Variants in NEK10 observed in about 807,000 individuals in gnomAD.
The protein encoded by NEK10 is NIMA related kinase 10.
A neutral mutation model predicts 159.8 loss-of-function variants in NEK10; 122 were observed. That is an observed-to-expected ratio of 0.76 (90% CI 0.66 to 0.89). NEK10 has a LOEUF of 0.89. NEK10 is among the 40% of genes least tolerant of loss of function. The pLI is 0.00. For missense variants in NEK10, 1,342 were observed against 1,323.1 expected, an observed-to-expected ratio of 1.01 and a Z score of -0.22; for synonymous variants, 466 against 457.1, an observed-to-expected ratio of 1.02 and a Z score of -0.25.
intron 5 of NEK10, among the ~76,000 whole-genome samples, chr3:27,333,546 CA>C (rs141145764): frequency 0.037 from 3,871 of 105,900 alleles, 51 homozygotes; most frequent in South Asian, 0.07. Context: ...AACTCCGTCT[CA>C]AAAAAAAAAA....
chr3:27,150,903 C>A (rs181677583), intron 30 of NEK10, among the ~76,000 whole-genome samples: 90 of 152,214 alleles, frequency 5.9e-4, no homozygotes, highest in Middle Eastern at 6.8e-3. Context: ...ACTCCAAGAA[C>A]AAACTAGGAA....
chr3:27,216,237 T>C (rs968055851), intron 23 of NEK10: 2 of 224,308 alleles, frequency 8.9e-6, no homozygotes. Context: ...TCCTTAATAG[T>C]CAAAGAAAAG....
intron 5 of NEK10, among the ~76,000 whole-genome samples, chr3:27,335,583 GA>G (rs1214920437): frequency 6.6e-6 from 1 of 152,100 alleles, no homozygotes; most frequent in African/African-American, 2.4e-5. Context: ...TCAGTACATA[GA>G]ACATTCTCCA....
At chr3:27,206,694 A>T (rs1950574231) in intron 23 of NEK10, 1 of 921,430 alleles carries the variant, frequency 1.1e-6, no homozygotes, top group Non-Finnish European at 1.3e-6. Flanking sequence ...AGGCTCTGTT[A>T]CAAACCACTG....
At chr3:27,221,831 G>C (rs1392486312) in intron 23 of NEK10, among the ~76,000 whole-genome samples, 1 of 152,252 alleles carries the variant, frequency 6.6e-6, no homozygotes, top group African/African-American at 2.4e-5. Flanking sequence ...TCCATTCAGA[G>C]GCTTCAGTTC....
In NEK10 at chr3:27,250,253, C is replaced by A. The variant is rs1224260928; in HGVS notation, c.2090+6043G>T. Among the ~76,000 whole-genome samples the A allele has an allele frequency of 2.0e-5, 3 of 151,576 alleles. No homozygotes were observed. The East Asian group carries it at 5.8e-4, about 30-fold the overall frequency. ...CCAGGCTGGAGTGCAGTAGCACGAT[C>A]TCCACTCACTGCAAGCACCGCCTCC... On this transcript the variant is annotated intron_variant, in intron 23 of 35. Transcript: ENST00000691995.
rs772096854 is a variant in NEK10 at position 27,337,029 on chromosome 3, GC to G, written c.362+7242del. 2.6e-4 allele frequency among the ~76,000 whole-genome samples: 38 copies of G among 148,022 alleles called. No homozygotes were observed. In the East Asian group the frequency reaches 3.5e-3, roughly 14 times the overall value. On this transcript the variant is annotated intron_variant, in intron 5 of 35. Transcript: ENST00000691995. ...AAGAAATAAAAGGCATACACATTTG[GC>G]GGGGGGGAAAGGAAGATGTACCTCT...
intron 23 of NEK10, among the ~76,000 whole-genome samples, chr3:27,234,751 C>G (rs531456735): frequency 6.6e-6 from 1 of 151,818 alleles, no homozygotes; most frequent in Non-Finnish European, 1.5e-5. Context: ...CTTCACAGAA[C>G]TAGAAAAAGC....
intron 22 of NEK10, among the ~76,000 whole-genome samples, chr3:27,258,394 T>TG (rs2149335512): frequency 1.0e-5 from 1 of 98,502 alleles, no homozygotes; most frequent in Non-Finnish European, 1.9e-5. Flanking sequence ...CAACAGGCCC[T>TG]GGTGTGTGAT....
intron 9 of NEK10, chr3:27,309,824 C>T (rs1462369439): frequency 6.6e-6 from 1 of 152,160 alleles, no homozygotes; most frequent in African/African-American, 2.4e-5. Flanking sequence ...TCGAGCATTC[C>T]ATTTGCCTCC....
chr3:27,174,954 G>A, intron 26 of NEK10, 121 bp from the exon 27 acceptor site: 1 of 783,530 alleles, frequency 1.3e-6, no homozygotes, highest in South Asian at 2.0e-5. Context: ...TGATGCAGAA[G>A]ACGCATCAGT....
intron 22 of NEK10, among the ~76,000 whole-genome samples, chr3:27,273,143 T>C (rs2149404956): frequency 6.6e-6 from 1 of 152,206 alleles, no homozygotes; most frequent in East Asian, 1.9e-4. Context: ...GGGAAAATGG[T>C]CTACTGAGGA....
intron 30 of NEK10, chr3:27,162,336 G>T (rs149476209): frequency 0.012 from 16,897 of 1,455,642 alleles, 137 homozygotes; most frequent in Non-Finnish European, 0.013. Context: ...GAACAAACAA[G>T]GCAGAATTCT....
chr3:27,264,785 TCAGGA>T (rs1227527048), intron 22 of NEK10, among the ~76,000 whole-genome samples: 6 of 151,954 alleles, frequency 3.9e-5, no homozygotes, highest in Non-Finnish European at 7.4e-5. Context: ...TCCCAGTTAC[TCAGGA>T]GGCTGAGACA....
At chr3:27,318,814 A>AGGC (rs1246900855) in intron 6 of NEK10, among the ~76,000 whole-genome samples, 7 of 152,220 alleles carry the variant, frequency 4.6e-5, no homozygotes, top group Non-Finnish European at 1.0e-4. Flanking sequence ...CTTGGGACTT[A>AGGC]AAGGGGAAAG....
intron 23 of NEK10, among the ~76,000 whole-genome samples, chr3:27,209,962 C>G (rs982994602): frequency 1.3e-5 from 2 of 151,830 alleles, no homozygotes; most frequent in Admixed American, 6.6e-5. Flanking sequence ...ACCCCCACCC[C>G]ACTCCTATCC....
At chr3:27,215,028 CA>C in intron 23 of NEK10, 1 of 601,668 alleles carries the variant, frequency 1.7e-6, no homozygotes. Flanking sequence ...ACCTGTTCCC[CA>C]CCGGCGCCTC....
chr3:27,238,746 CGTGTGTGTGTGTGTGTGT>C (rs59740177), intron 23 of NEK10, among the ~76,000 whole-genome samples: 4 of 138,136 alleles, frequency 2.9e-5, no homozygotes, highest in South Asian at 2.5e-4. Flanking sequence ...CCTCCCCTTT[CGTGTGTGTGTGTGTGTGT>C]GTGTGTGTGT....
chr3:27,220,938 C>T, intron 23 of NEK10, among the ~76,000 whole-genome samples: 1 of 152,112 alleles, frequency 6.6e-6, no homozygotes. Flanking sequence ...GTTATTTCAA[C>T]AAATGGTACT....
Sources: allele counts gnomAD v4.1 joint callset (sites outside exome capture counted in the v4.1 genomes callset), GRCh38; gene constraint gnomAD v4.1.1; transcripts MANE v1.5; gene names NCBI Gene and HGNC (gene_info 2026-07-23, HGNC 2026-07-21).